Variants in ZCCHC14 observed in about 807,000 individuals in gnomAD.
The protein encoded by ZCCHC14 is zinc finger CCHC domain-containing protein 14.
Under a neutral mutation model 85.0 loss-of-function variants are expected in ZCCHC14, and 16 were observed. The ratio of observed to expected loss-of-function variants is 0.19; its 90% confidence interval spans 0.13 to 0.29. The LOEUF (loss-of-function observed/expected upper bound fraction) is 0.29. Among genes scored for constraint, ZCCHC14 ranks in the 10% least tolerant of loss-of-function variants. The pLI is 1.00. For missense variants in ZCCHC14, 1,303 were observed against 1,443.5 expected, an observed-to-expected ratio of 0.90 and a Z score of 1.58; for synonymous variants, 775 against 630.7, an observed-to-expected ratio of 1.23 and a Z score of -3.43.
chr16:87,428,683 T>G (rs1329459446), intron 3 of ZCCHC14, among the ~76,000 whole-genome samples: 1 of 152,170 alleles, frequency 6.6e-6, no homozygotes, highest in East Asian at 1.9e-4. Context: ...ACCCCTGAGG[T>G]GTCCTCCAGC....
At chr16:87,490,976 A>G (rs938273550) in intron 1 of ZCCHC14, among the ~76,000 whole-genome samples, 4 of 152,218 alleles carry the variant, frequency 2.6e-5, no homozygotes, top group African/African-American at 9.6e-5. Context: ...CAGACGGGGA[A>G]GCCCCAGCGC....
At chr16:87,421,703 A>G (rs761368721) in intron 4 of ZCCHC14, among the ~76,000 whole-genome samples, 6 of 151,986 alleles carry the variant, frequency 3.9e-5, no homozygotes, top group Non-Finnish European at 5.9e-5. Flanking sequence ...GGCGGAGAAG[A>G]CCCTCCAGAC....
chr16:87,443,308 A>G (rs946132218), intron 2 of ZCCHC14, among the ~76,000 whole-genome samples: 9 of 152,202 alleles, frequency 5.9e-5, no homozygotes, highest in Non-Finnish European at 7.3e-5. Context: ...AAAAGATTCA[A>G]TGAGAAAACA....
intron 1 of ZCCHC14, among the ~76,000 whole-genome samples, chr16:87,464,081 G>A (rs80117244): frequency 0.018 from 2,739 of 152,280 alleles, 30 homozygotes; most frequent in Middle Eastern, 0.054. Context: ...TGATCAGTGC[G>A]TTCTCGCACA....
intron 3 of ZCCHC14, among the ~76,000 whole-genome samples, chr16:87,424,093 G>A (rs1034868825): frequency 6.6e-6 from 1 of 152,186 alleles, no homozygotes; most frequent in African/African-American, 2.4e-5. Flanking sequence ...CTTGTTTTAT[G>A]CAATTATTCA....
rs977311520 is a variant in ZCCHC14, at chr16:87,492,296, G to A, written c.-58C>T. 7.2e-5 allele frequency: 67 copies of A among 931,850 alleles called. No homozygotes were observed. The highest frequency in any genetic ancestry group is 8.2e-5 in the Non-Finnish European group (64 of 784,926). 57.7% of individuals were successfully genotyped at this position (931,850 alleles called of 1,614,324 possible). A position where few individuals can be genotyped will look rare whatever the true frequency, so the allele number is the denominator to read the frequency against. On this transcript the variant is annotated 5_prime_UTR_variant, in exon 1 of 13. Transcript: ENST00000671377. This position sits in a 1 kb window ranked among gnomAD's most constrained non-coding sequence, Gnocchi z 6.7. Reference sequence around the variant, plus strand: ...CGGGGACCGCGCGGGGGCGGCCGGGGGGCGCCGGGGGCCGCGGCCGGGGCG... The same window carrying A: ...CGGGGACCGCGCGGGGGCGGCCGGGAGGCGCCGGGGGCCGCGGCCGGGGCG...
chr16:87,434,352 G>C (rs58466735), intron 2 of ZCCHC14, among the ~76,000 whole-genome samples: 1 of 152,234 alleles, frequency 6.6e-6, no homozygotes, highest in East Asian at 1.9e-4. Flanking sequence ...CAACACACCC[G>C]GCTCTGCCAG....
intron 4 of ZCCHC14, among the ~76,000 whole-genome samples, chr16:87,422,567 T>TA (rs79859649): frequency 0.13 from 17,334 of 137,036 alleles, 2,479 homozygotes; most frequent in African/African-American, 0.36. Flanking sequence ...TACTAAAAAT[T>TA]AAAAAAAAAA....
chr16:87,484,675 A>T (rs1292879900), intron 1 of ZCCHC14, among the ~76,000 whole-genome samples: 1 of 152,208 alleles, frequency 6.6e-6, no homozygotes, highest in Non-Finnish European at 1.5e-5. Flanking sequence ...CTTTTCTGCT[A>T]GCTGCTCAGG....
chr16:87,431,151 A>C (rs1001574655), intron 3 of ZCCHC14, among the ~76,000 whole-genome samples: 1 of 150,470 alleles, frequency 6.6e-6, no homozygotes, highest in Non-Finnish European at 1.5e-5. Flanking sequence ...AAAGAAAGAA[A>C]AAAGAAAAGA....
rs1911562805 is a variant in ZCCHC14, at chr16:87,467,163, T to C, written c.571-7032A>G. ...ATCAGACCTGTTGATAGATGAAAACTGTCTGCTTTCTCCTCTGGCGGGAGA... is the reference window on the plus strand; with the variant it reads ...ATCAGACCTGTTGATAGATGAAAACCGTCTGCTTTCTCCTCTGGCGGGAGA... On this transcript the variant is annotated intron_variant, in intron 1 of 12. Coordinates refer to ENST00000671377, the MANE Select transcript of ZCCHC14 (RefSeq NM_015144.3). The C allele has an allele frequency of 3.1e-6, 4 of 1,279,816 alleles. No homozygotes were observed. The South Asian group carries it at 4.8e-5, about 15-fold the overall frequency. 79.3% of individuals were successfully genotyped at this position (1,279,816 alleles called of 1,614,324 possible). A position where few individuals can be genotyped will look rare whatever the true frequency, so the allele number is the denominator to read the frequency against.
chr16:87,480,069 C>A (rs931424766), intron 1 of ZCCHC14, among the ~76,000 whole-genome samples: 1 of 151,922 alleles, frequency 6.6e-6, no homozygotes, highest in Non-Finnish European at 1.5e-5. Flanking sequence ...GCCAGTGCAC[C>A]TGGCCTTGCA....
chr16:87,475,259 G>T (rs911625112), intron 1 of ZCCHC14, among the ~76,000 whole-genome samples: 1 of 152,178 alleles, frequency 6.6e-6, no homozygotes, highest in African/African-American at 2.4e-5. Flanking sequence ...CTTAAAAAAT[G>T]GAAATTCCAG....
intron 2 of ZCCHC14, among the ~76,000 whole-genome samples, chr16:87,438,556 T>C (rs1030166874): frequency 6.6e-6 from 1 of 152,242 alleles, no homozygotes; most frequent in African/African-American, 2.4e-5. Flanking sequence ...AAGGTCAGTT[T>C]TGTGTCTGCT....
intron 2 of ZCCHC14, among the ~76,000 whole-genome samples, chr16:87,441,284 G>GC (rs2150744237): frequency 1.3e-5 from 2 of 152,314 alleles, no homozygotes; most frequent in East Asian, 3.9e-4. Flanking sequence ...GAGCCACCAT[G>GC]CCCGGCCTCC....
intron 2 of ZCCHC14, among the ~76,000 whole-genome samples, chr16:87,450,718 G>A (rs937815387): frequency 1.3e-5 from 2 of 151,952 alleles, no homozygotes; most frequent in Non-Finnish European, 2.9e-5. Flanking sequence ...GGGATTATAG[G>A]CATGTGCCAT....
chr16:87,483,183 C>G (rs895981407), intron 1 of ZCCHC14, among the ~76,000 whole-genome samples: 5 of 151,728 alleles, frequency 3.3e-5, no homozygotes, highest in Admixed American at 3.3e-4. Flanking sequence ...CCCAGCCAGG[C>G]GCAGTGGCTC....
At chr16:87,428,963 G>A (rs1909513335) in intron 3 of ZCCHC14, among the ~76,000 whole-genome samples, 1 of 152,248 alleles carries the variant, frequency 6.6e-6, no homozygotes, top group Non-Finnish European at 1.5e-5. Context: ...CTGTGAACGG[G>A]TGTCTTCGTT....
At chr16:87,460,274 C>T in intron 1 of ZCCHC14, 143 bp from the exon 2 acceptor site, 1 of 1,188,878 alleles carries the variant, frequency 8.4e-7, no homozygotes, top group Non-Finnish European at 1.1e-6. Flanking sequence ...AAGCCTTCCC[C>T]AAGAAAGATG....
Sources: allele counts gnomAD v4.1 joint callset (sites outside exome capture counted in the v4.1 genomes callset), GRCh38; gene constraint gnomAD v4.1.1; non-coding constraint Gnocchi (gnomAD v3.1); transcripts MANE v1.5; gene names NCBI Gene and HGNC (gene_info 2026-07-23, HGNC 2026-07-21).